Variants in NR1H4 observed in about 807,000 individuals in gnomAD.
NR1H4 encodes the protein bile acid receptor.
Under a neutral mutation model 58.5 loss-of-function variants are expected in NR1H4, and 23 were observed. The ratio of observed to expected loss-of-function variants is 0.39; its 90% CI spans 0.28 to 0.56. The LOEUF (loss-of-function observed/expected upper bound fraction) is 0.56. Among genes scored for constraint, NR1H4 ranks in the 20% least tolerant of loss-of-function variants. The probability of loss-of-function intolerance (pLI) is 0.58; values close to 1 mark genes in which losing one functional copy is unlikely to be tolerated. For synonymous variants in NR1H4, 214 were observed against 198.0 expected (o/e 1.08, Z -0.68); for missense variants, 487 against 576.9 (o/e 0.84, Z 1.60).
At chr12:100,516,956 A>G (rs1485217820) in intron 4 of NR1H4, among the ~76,000 whole-genome samples, 4 of 152,208 alleles carry the variant, frequency 2.6e-5, no homozygotes, top group Non-Finnish European at 5.9e-5. Flanking sequence ...ACATGTTTTC[A>G]TACATGTATA....
chr12:100,545,641 CAAA>C (rs35404680), intron 9 of NR1H4, among the ~76,000 whole-genome samples: 1 of 7,860 alleles, frequency 1.3e-4, no homozygotes, highest in African/African-American at 5.2e-4. Flanking sequence ...GACCTTGTCT[CAAA>C]AAAAAAAAAA....
intron 3 of NR1H4, among the ~76,000 whole-genome samples, chr12:100,494,724 AG>A (rs1419531833): frequency 6.6e-6 from 1 of 152,262 alleles, no homozygotes; most frequent in Non-Finnish European, 1.5e-5. Flanking sequence ...TCCTCAGAAC[AG>A]AGTCAATGTA....
chr12:100,561,879 C>T lies in NR1H4; in HGVS notation c.1079-6C>T, dbSNP rs754003711. 3 of 1,119,662 alleles carry T rather than the reference C, an allele frequency of 2.7e-6. No homozygotes were observed. Among genetic ancestry groups the T allele is most frequent in the African/African-American group, 1.5e-5 (1 of 65,360 alleles). The allele number at this position is 1,119,662 out of a possible 1,614,324, so 69.4% of individuals were successfully genotyped here. A position where few individuals can be genotyped will look rare whatever the true frequency, so the allele number is the denominator to read the frequency against. On this transcript the variant is annotated splice_polypyrimidine_tract_variant and splice_region_variant and intron_variant, in intron 9 of 10. Coordinates refer to ENST00000392986, the MANE Select transcript of NR1H4 (RefSeq NM_001206979.2). ...ATTGTATTATGATTGCAACTTTCCC[C>T]CACAGGTATCTCTGATGAATATATA...
At chr12:100,493,915 G>A (rs879082545) in intron 3 of NR1H4, among the ~76,000 whole-genome samples, 4 of 152,164 alleles carry the variant, frequency 2.6e-5, no homozygotes, top group Admixed American at 2.6e-4. Flanking sequence ...CAGTAGATCT[G>A]TAACTAGATG....
In NR1H4 at chr12:100,521,591, T is replaced by G. The variant is rs1196641310; in HGVS notation, c.445+10448T>G. ...GAATGGTAGAATTCCTAAAAGATGC[T>G]GTCTGAGTAAATGAGTGACCCTACT... On this transcript the variant is annotated intron_variant, in intron 4 of 10. Transcript: ENST00000392986. Among the ~76,000 whole-genome samples the G allele has an allele frequency of 2.0e-5, 3 of 152,196 alleles. No individual in the cohort carries two copies. In the East Asian group the frequency reaches 5.8e-4, roughly 29 times the overall value.
chr12:100,542,807 G>C (rs1054835598), intron 9 of NR1H4, among the ~76,000 whole-genome samples: 1 of 152,038 alleles, frequency 6.6e-6, no homozygotes, highest in African/African-American at 2.4e-5. Context: ...AAAACAAAAA[G>C]CATAATTAGC....
chr12:100,475,940 G>A (rs947825563), intron 1 of NR1H4, among the ~76,000 whole-genome samples: 7 of 152,030 alleles, frequency 4.6e-5, no homozygotes, highest in African/African-American at 1.7e-4. Context: ...CACTATGTTG[G>A]CCAGACTGGT....
At chr12:100,530,717 T>C (rs983698920) in intron 4 of NR1H4, among the ~76,000 whole-genome samples, 22 of 152,300 alleles carry the variant, frequency 1.4e-4, no homozygotes, top group African/African-American at 5.3e-4. Context: ...AATGGGAGTG[T>C]CTGTCCCTCG....
intron 9 of NR1H4, among the ~76,000 whole-genome samples, chr12:100,552,298 T>C (rs1157370612): frequency 1.3e-5 from 2 of 152,240 alleles, no homozygotes; most frequent in African/African-American, 4.8e-5. Context: ...TCATGTATTA[T>C]ATATTTTAAA....
At chr12:100,500,098 T>C (rs1285665670) in intron 3 of NR1H4, 4 of 361,110 alleles carry the variant, frequency 1.1e-5, no homozygotes, top group African/African-American at 8.5e-5. Flanking sequence ...CTGCTAAACA[T>C]TCCATAATTA....
intron 4 of NR1H4, among the ~76,000 whole-genome samples, chr12:100,513,714 G>A (rs1954184365): frequency 6.6e-6 from 1 of 151,958 alleles, no homozygotes; most frequent in Non-Finnish European, 1.5e-5. Context: ...AGAATTCCTC[G>A]AATCCAGAAG....
chr12:100,563,261 C>T lies in NR1H4; in HGVS notation c.1203C>T (p.Tyr401=). ...AIVILSPDRQ[Y]IKDREAVEKL... is the part of the protein sequence containing the mutation. ...TAAACTTCAAAACAGATAGACAATA[C>T]ATAAAGGATAGAGAGGCAGTAGAGA... is the stretch of plus-strand genomic sequence containing the variant. Residue 401 remains tyrosine, a synonymous_variant, in exon 11 of 11, where the codon TAC becomes TAT. Coordinates refer to ENST00000392986, the MANE Select transcript of NR1H4 (RefSeq NM_001206979.2). The T allele has an allele frequency of 6.2e-7, 1 of 1,611,048 alleles. No individual in the cohort carries two copies. Among genetic ancestry groups the T allele is most frequent in the Non-Finnish European group, 8.5e-7 (1 of 1,177,234 alleles).
chr12:100,480,550 T>C (rs554207327), intron 1 of NR1H4, among the ~76,000 whole-genome samples: 52 of 152,320 alleles, frequency 3.4e-4, no homozygotes, highest in Admixed American at 1.5e-3. Flanking sequence ...ATGGGAATTT[T>C]CTTATTGTTC....
chr12:100,484,958 T>C (rs1381483587), intron 1 of NR1H4, among the ~76,000 whole-genome samples: 1 of 152,224 alleles, frequency 6.6e-6, no homozygotes, highest in Non-Finnish European at 1.5e-5. Context: ...TATTTTTACA[T>C]AGGAAGCTTT....
intron 9 of NR1H4, among the ~76,000 whole-genome samples, chr12:100,542,314 TC>T (rs1954956869): frequency 6.6e-6 from 1 of 151,910 alleles, no homozygotes; most frequent in Non-Finnish European, 1.5e-5. Flanking sequence ...GCCACCACAC[TC>T]CAGCCTGGGC....
At chr12:100,561,122 C>A (rs1955460932) in intron 9 of NR1H4, among the ~76,000 whole-genome samples, 1 of 152,020 alleles carries the variant, frequency 6.6e-6, no homozygotes, top group Non-Finnish European at 1.5e-5. Context: ...CCTGGCTGGG[C>A]GCGGTGGCTC....
chr12:100,500,746 A>G (rs1039657198), intron 3 of NR1H4, among the ~76,000 whole-genome samples: 2 of 150,914 alleles, frequency 1.3e-5, no homozygotes, highest in African/African-American at 4.9e-5. Flanking sequence ...CTCCCTTCCT[A>G]CTCTCTCTCC....
At chr12:100,516,513 C>G (rs1055355462) in intron 4 of NR1H4, among the ~76,000 whole-genome samples, 7 of 152,030 alleles carry the variant, frequency 4.6e-5, no homozygotes, top group Non-Finnish European at 8.8e-5. Flanking sequence ...ACTACAGGCA[C>G]CTGCCACCAC....
At chr12:100,517,606 A>T (rs1054721594) in intron 4 of NR1H4, among the ~76,000 whole-genome samples, 2 of 152,202 alleles carry the variant, frequency 1.3e-5, no homozygotes, top group African/African-American at 4.8e-5. Context: ...AGGAAACATC[A>T]TACTGTTTTC....
Sources: allele counts gnomAD v4.1 joint callset (sites outside exome capture counted in the v4.1 genomes callset), GRCh38; gene constraint gnomAD v4.1.1; transcripts MANE v1.5; gene names NCBI Gene and HGNC (gene_info 2026-07-23, HGNC 2026-07-21).